Variants in OR3A2 observed in about 807,000 individuals in gnomAD.
OR3A2 encodes the protein olfactory receptor family 3 subfamily A member 2.
For synonymous variants in OR3A2, 126 were observed against 159.3 expected (o/e 0.79, Z 1.57); for missense variants, 318 against 392.8 (o/e 0.81, Z 1.61).
chr17:3,328,617 G>C (rs2049198328), intron 3 of OR3A2, among the ~76,000 whole-genome samples: 1 of 148,204 alleles, frequency 6.7e-6, no homozygotes, highest in Admixed American at 6.8e-5. Flanking sequence ...GGTGAGAGAG[G>C]GCATCCCTGC....
intron 2 of OR3A2, among the ~76,000 whole-genome samples, chr17:3,341,390 A>T (rs1223444564): frequency 2.6e-5 from 4 of 152,224 alleles, no homozygotes; most frequent in Admixed American, 6.5e-5. Flanking sequence ...ATGTTTCTGC[A>T]GTGGCTAGTA....
chr17:3,330,808 C>T (rs1367158939), intron 3 of OR3A2, among the ~76,000 whole-genome samples: 7 of 151,836 alleles, frequency 4.6e-5, no homozygotes, highest in Non-Finnish European at 8.8e-5. Flanking sequence ...TTCCTATTCT[C>T]GATGGTCTTT....
intron 3 of OR3A2, among the ~76,000 whole-genome samples, chr17:3,330,418 T>C (rs1366738560): frequency 6.6e-6 from 1 of 151,730 alleles, no homozygotes; most frequent in Non-Finnish European, 1.5e-5. Flanking sequence ...CATATATATT[T>C]AGGATAGTTA....
chr17:3,375,998 G>A (rs529097038), intron 2 of OR3A2, among the ~76,000 whole-genome samples: 1 of 152,336 alleles, frequency 6.6e-6, no homozygotes, highest in East Asian at 1.9e-4. Context: ...CTCTGGTGGA[G>A]GTGGCAAAGA....
intron 2 of OR3A2, among the ~76,000 whole-genome samples, chr17:3,349,103 C>T (rs1030460113): frequency 1.3e-5 from 2 of 152,086 alleles, no homozygotes; most frequent in Admixed American, 1.3e-4. Context: ...ACCATTGAGA[C>T]TAGGAAGAAA....
At chr17:3,349,065 T>C (rs230453) in intron 2 of OR3A2, among the ~76,000 whole-genome samples, 86,392 of 150,280 alleles carry the variant, frequency 0.57, 25,277 homozygotes, top group Admixed American at 0.69. Flanking sequence ...CGGTACCAGC[T>C]GCTGCAAAAT....
At chr17:3,355,251 A>G (rs1294168806) in intron 2 of OR3A2, among the ~76,000 whole-genome samples, 1 of 151,542 alleles carries the variant, frequency 6.6e-6, no homozygotes, top group Non-Finnish European at 1.5e-5. Flanking sequence ...CCATGTGCTG[A>G]GGAAAAGAAT....
chr17:3,294,530 A>G (rs1214568127), intron 3 of OR3A2, among the ~76,000 whole-genome samples: 2 of 152,208 alleles, frequency 1.3e-5, no homozygotes, highest in African/African-American at 2.4e-5. Flanking sequence ...TTAAAACTCA[A>G]TTTTAATTAA....
At chr17:3,341,378 G>T (rs1325833184) in intron 2 of OR3A2, among the ~76,000 whole-genome samples, 1 of 152,148 alleles carries the variant, frequency 6.6e-6, no homozygotes, top group Non-Finnish European at 1.5e-5. Flanking sequence ...TTACAATTTG[G>T]CATGTTTCTG....
At chr17:3,310,903 A>G in intron 3 of OR3A2, 1 of 731,210 alleles carries the variant, frequency 1.4e-6, no homozygotes, top group South Asian at 1.3e-5. Context: ...GTTCATCTCA[A>G]TGGGCAGTTG....
At chr17:3,371,600 G>A (rs2049622205) in intron 2 of OR3A2, among the ~76,000 whole-genome samples, 1 of 137,540 alleles carries the variant, frequency 7.3e-6, no homozygotes, top group Non-Finnish European at 1.6e-5. Flanking sequence ...CGGACGGGGT[G>A]GCTGGCCGGG....
At chr17:3,278,188 A>T (rs1383196845) in exon 2 of OR3A2, 1 of 1,614,214 alleles carries the variant, frequency 6.2e-7, no homozygotes, top group East Asian at 2.2e-5. Context: ...TGGGAGCCAC[A>T]CGTGGAGAAG....
At chr17:3,370,571 C>T (rs2049605070) in intron 2 of OR3A2, among the ~76,000 whole-genome samples, 1 of 151,156 alleles carries the variant, frequency 6.6e-6, no homozygotes, top group Admixed American at 6.6e-5. Flanking sequence ...GTTTGGGTTT[C>T]GTTTGTTCTT....
At chr17:3,376,921 A>G (rs2049690370) in intron 2 of OR3A2, among the ~76,000 whole-genome samples, 1 of 152,072 alleles carries the variant, frequency 6.6e-6, no homozygotes, top group South Asian at 2.1e-4. Flanking sequence ...TGCTTCTTCT[A>G]CTTTTATATT....
At chr17:3,287,085 T>C (rs556294594), upstream of OR3A2, among the ~76,000 whole-genome samples, 68 of 152,330 alleles carry the variant, frequency 4.5e-4, no homozygotes, top group Non-Finnish European at 8.1e-4. Flanking sequence ...TTGTGGTAGG[T>C]AGAAGAATGG....
intron 3 of OR3A2, among the ~76,000 whole-genome samples, chr17:3,306,998 G>C (rs561828718): frequency 6.6e-6 from 1 of 152,334 alleles, no homozygotes; most frequent in African/African-American, 2.4e-5. Context: ...TGCGCATTTT[G>C]TACAAAAGGT....
chr17:3,334,567 T>A (rs2049264344), intron 3 of OR3A2, among the ~76,000 whole-genome samples: 1 of 152,208 alleles, frequency 6.6e-6, no homozygotes, highest in Non-Finnish European at 1.5e-5. Flanking sequence ...CATTACTCTC[T>A]TTCCTCCCAA....
intron 1 of OR3A2, among the ~76,000 whole-genome samples, chr17:3,281,297 G>A (rs1167623660): frequency 6.7e-6 from 1 of 149,690 alleles, no homozygotes; most frequent in Non-Finnish European, 1.5e-5. Context: ...GCAGTGGCAC[G>A]ATCTCGGCTC....
At chr17:3,324,795 C>T (rs1225160618) in intron 3 of OR3A2, among the ~76,000 whole-genome samples, 1 of 152,100 alleles carries the variant, frequency 6.6e-6, no homozygotes, top group Non-Finnish European at 1.5e-5. Flanking sequence ...AGTTAGGCTA[C>T]TTGGGGGTCA....
Sources: allele counts gnomAD v4.1 joint callset (sites outside exome capture counted in the v4.1 genomes callset), GRCh38; gene constraint gnomAD v4.1.1; transcripts MANE v1.5; gene names NCBI Gene and HGNC (gene_info 2026-07-23, HGNC 2026-07-21).